The following DSCAML1 variants were observed in gnomAD, a reference collection of about 807,000 sequenced individuals.
DSCAML1 encodes the protein DS cell adhesion molecule like 1.
DSCAML1 carries 38 observed loss-of-function variants against 200.5 expected under a neutral mutation model. The observed-to-expected ratio is 0.19, with a 90% CI of 0.15 to 0.25. The LOEUF is 0.25. DSCAML1 is among the 10% of genes least tolerant of loss of function. DSCAML1 has a pLI of 1.00. For synonymous variants in DSCAML1, 1,215 were observed against 1,165.0 expected (o/e 1.04, Z -0.87); for missense variants, 2,223 against 2,858.8 (o/e 0.78, Z 5.07).
chr11:117,461,678 T>A (rs2048486620), intron 17 of DSCAML1, 82 bp from the exon 18 acceptor site: 1 of 1,417,388 alleles, frequency 7.1e-7, no homozygotes. Context: ...CCAGGCTGGG[T>A]CCCGCAGTCC....
rs1395764989 is a variant in DSCAML1, at chr11:117,504,450, C to A, written c.2183-429G>T. ...CTCCAAGGGGGCCTTGTGGGCACCCCCTGTCCCTCCATTCCCCAGTGTCAG... is the reference window on the plus strand; with the variant it reads ...CTCCAAGGGGGCCTTGTGGGCACCCACTGTCCCTCCATTCCCCAGTGTCAG... On this transcript the variant is annotated intron_variant, in intron 10 of 32. Coordinates refer to ENST00000651296, the MANE Select transcript of DSCAML1 (RefSeq NM_020693.4). The surrounding 1 kb of genome is among the most constrained non-coding windows in gnomAD (Gnocchi z 5.0). 6.6e-6 allele frequency among the ~76,000 whole-genome samples: 1 copy of A among 152,174 alleles called. No homozygotes were observed. Among genetic ancestry groups the A allele is most frequent in the Non-Finnish European group, 1.5e-5 (1 of 68,024 alleles).
chr11:117,543,885 T>TATTCA (rs1212114031), intron 3 of DSCAML1, among the ~76,000 whole-genome samples: 8 of 152,190 alleles, frequency 5.3e-5, no homozygotes, highest in African/African-American at 1.9e-4. Flanking sequence ...AGTGCATAGG[T>TATTCA]ATTCACATGG....
intron 3 of DSCAML1, among the ~76,000 whole-genome samples, chr11:117,711,241 C>G (rs1209512319): frequency 6.6e-6 from 1 of 152,174 alleles, no homozygotes; most frequent in African/African-American, 2.4e-5. Flanking sequence ...TGTTGTGGCC[C>G]AGCTTTTTTC....
intron 32 of DSCAML1, among the ~76,000 whole-genome samples, chr11:117,429,211 A>G (rs2047732210): frequency 6.6e-6 from 1 of 152,136 alleles, no homozygotes; most frequent in African/African-American, 2.4e-5. Context: ...GCTGGTGGAA[A>G]GCTTTTCTTT....
chr11:117,532,919 A>C (rs2050107404), intron 3 of DSCAML1, among the ~76,000 whole-genome samples: 1 of 151,426 alleles, frequency 6.6e-6, no homozygotes, highest in Non-Finnish European at 1.5e-5. Flanking sequence ...GAGACCAGGA[A>C]TTGGAGTTGG....
Position 117,458,862 on chromosome 11 carries a change from G to A in DSCAML1, c.3460C>T (p.Leu1154=). The change falls in exon 19 of 33, where the codon CTG becomes TTG. Residue 1154 remains leucine, a synonymous_variant. Transcript: ENST00000651296. The part of the protein sequence containing the change: ...NITTTRERVE[L]RGMEKFTNYS... Reference sequence around the variant, plus strand: ...TTGGTGAACTTCTCCATGCCCCGCAGCTCCACCCGCTCCCGCGTGGTGGTG... The same window carrying A: ...TTGGTGAACTTCTCCATGCCCCGCAACTCCACCCGCTCCCGCGTGGTGGTG... 1 of 1,614,046 alleles carries A rather than the reference G, an allele frequency of 6.2e-7. No individual in the cohort carries two copies. The highest frequency in any genetic ancestry group is 1.1e-5 in the South Asian group (1 of 91,088).
intron 3 of DSCAML1, among the ~76,000 whole-genome samples, chr11:117,687,426 A>ATTTTAATTTTTTTTTTTTTT (rs552784985): frequency 1.0e-5 from 1 of 97,684 alleles, no homozygotes; most frequent in African/African-American, 4.1e-5. Context: ...ATGCCTGGCT[A>ATTTTAATTTTTTTTTTTTTT]TTTTTTTTTT....
chr11:117,778,324 G>T (rs1178838387), intron 2 of DSCAML1, among the ~76,000 whole-genome samples: 1 of 152,222 alleles, frequency 6.6e-6, no homozygotes, highest in Non-Finnish European at 1.5e-5. Context: ...CAAGGGGAAT[G>T]GACCCTGGAG....
Position 117,464,922 on chromosome 11 carries a change from C to T in DSCAML1, c.3265+20G>A. Reference sequence around the variant, plus strand: ...CCATGGCAGGAATCTGTGCCCACTCCCTTCTGCTGGGGCCCTCACCATCCT... The same window carrying T: ...CCATGGCAGGAATCTGTGCCCACTCTCTTCTGCTGGGGCCCTCACCATCCT... On this transcript the variant is annotated intron_variant, in intron 17 of 32. Coordinates refer to ENST00000651296, the MANE Select transcript of DSCAML1 (RefSeq NM_020693.4). The T allele has an allele frequency of 6.2e-7, 1 of 1,610,314 alleles. No individual in the cohort carries two copies. The highest frequency in any genetic ancestry group is 8.5e-7 in the Non-Finnish European group (1 of 1,177,660).
At chr11:117,697,845 C>T (rs1338180232) in intron 3 of DSCAML1, among the ~76,000 whole-genome samples, 1 of 151,256 alleles carries the variant, frequency 6.6e-6, no homozygotes, top group Non-Finnish European at 1.5e-5. Flanking sequence ...GATCTTGGCT[C>T]ACTGCAACCT....
intron 3 of DSCAML1, among the ~76,000 whole-genome samples, chr11:117,573,306 C>T (rs553368108): frequency 5.9e-5 from 9 of 152,304 alleles, no homozygotes; most frequent in African/African-American, 1.7e-4. Context: ...TGCCTAGACA[C>T]GGGTGGTTAT....
intron 3 of DSCAML1, among the ~76,000 whole-genome samples, chr11:117,724,729 G>A (rs1247384745): frequency 6.6e-6 from 1 of 152,216 alleles, no homozygotes; most frequent in Non-Finnish European, 1.5e-5. Flanking sequence ...AGATATTCCT[G>A]CATCACCTAA....
chr11:117,610,081 G>A (rs192998982), intron 3 of DSCAML1, among the ~76,000 whole-genome samples: 1 of 152,248 alleles, frequency 6.6e-6, no homozygotes. Flanking sequence ...CTGCCCCCTC[G>A]AGGAGGCACC....
At chr11:117,800,988 G>C (rs368789862), upstream of DSCAML1, 6 of 152,230 alleles carry the variant, frequency 3.9e-5, no homozygotes, top group African/African-American at 1.2e-4. Context: ...AGTATAAACA[G>C]GGTTTTCATA....
At chr11:117,576,301 G>T (rs2050932449) in intron 3 of DSCAML1, among the ~76,000 whole-genome samples, 1 of 152,156 alleles carries the variant, frequency 6.6e-6, no homozygotes, top group Admixed American at 6.5e-5. Context: ...GTCCAGCGAG[G>T]AGGAAGAGCA....
chr11:117,800,268 G>C (rs771691199), upstream of DSCAML1, among the ~76,000 whole-genome samples: 14 of 152,332 alleles, frequency 9.2e-5, no homozygotes, highest in Non-Finnish European at 1.9e-4. Context: ...GAAACGCCGG[G>C]GAAGAGAGTC....
Position 117,760,951 on chromosome 11 carries a change from A to G in DSCAML1, c.511+15840T>C, listed in dbSNP as rs533537707. Among the ~76,000 whole-genome samples, 11 of 152,212 alleles carry G rather than the reference A, an allele frequency of 7.2e-5. No individual in the cohort carries two copies. The East Asian group carries it at 2.1e-3, about 29-fold the overall frequency. On this transcript the variant is annotated intron_variant, in intron 3 of 32. Coordinates refer to ENST00000651296, the MANE Select transcript of DSCAML1 (RefSeq NM_020693.4). ...AAGTAGAAACCCCATGCCCTTTTCC[A>G]TTTTTCTAGCCCTATCCCTACCACA...
intron 3 of DSCAML1, among the ~76,000 whole-genome samples, chr11:117,683,596 C>A (rs149994365): frequency 6.6e-5 from 10 of 152,288 alleles, no homozygotes; most frequent in African/African-American, 1.7e-4. Context: ...ATAAAAGAGG[C>A]CTTCTGCTTC....
chr11:117,547,164 C>T (rs2050387575), intron 3 of DSCAML1, among the ~76,000 whole-genome samples: 1 of 152,182 alleles, frequency 6.6e-6, no homozygotes, highest in African/African-American at 2.4e-5. Context: ...CCCTCGTCCG[C>T]TGCACATGGC....
Sources: allele counts gnomAD v4.1 joint callset (sites outside exome capture counted in the v4.1 genomes callset), GRCh38; gene constraint gnomAD v4.1.1; non-coding constraint Gnocchi (gnomAD v3.1); transcripts MANE v1.5; gene names NCBI Gene and HGNC (gene_info 2026-07-23, HGNC 2026-07-21).